INTS9: variants seen among roughly 807,000 people sequenced by gnomAD.
INTS9 encodes the protein protein related to CPSF subunits of 74 kDa.
A neutral mutation model predicts 79.7 loss-of-function variants in INTS9; 55 were observed. That is an observed-to-expected ratio of 0.69 (90% CI 0.56 to 0.86). INTS9 has a LOEUF of 0.86. INTS9 is among the 40% of genes least tolerant of loss of function. The pLI is 0.00. For missense variants in INTS9, 721 were observed against 831.5 expected (o/e 0.87, Z 1.64); for synonymous variants, 319 against 325.2 (o/e 0.98, Z 0.20).
chr8:28,847,403 ACCACTACCACCATCACCACCTCCT>A (rs1807582026), intron 3 of INTS9, among the ~76,000 whole-genome samples: 1 of 151,756 alleles, frequency 6.6e-6, no homozygotes, highest in African/African-American at 2.4e-5. Flanking sequence ...ATCTACCACC[ACCACTACCACCATCACCACCTCCT>A]CCACTACCAC....
intron 9 of INTS9, among the ~76,000 whole-genome samples, chr8:28,795,833 A>G (rs779225344): frequency 6.6e-6 from 1 of 152,106 alleles, no homozygotes; most frequent in Non-Finnish European, 1.5e-5. Flanking sequence ...CGGCAGCCCA[A>G]ACTAACTAAG....
In INTS9 at chr8:28,776,046, G is replaced by A. The variant is rs1200088005; in HGVS notation, c.1396-120C>T. 9.0e-6 allele frequency: 7 copies of A among 777,342 alleles called. No individual in the cohort carries two copies. In the Admixed American group the frequency reaches 1.0e-4, roughly 11 times the overall value. The allele number at this position is 777,342 out of a possible 1,614,324, so 48.2% of individuals were successfully genotyped here. ...ACAGGCTCACCACTTCCAGGCCAAG[G>A]TGAACTTTCATCCTCTCAAGCCCAA... On this transcript the variant is annotated intron_variant, in intron 13 of 16. Transcript: ENST00000521022.
intron 2 of INTS9, among the ~76,000 whole-genome samples, chr8:28,853,272 G>T (rs186292693): frequency 2.0e-5 from 3 of 152,068 alleles, no homozygotes; most frequent in African/African-American, 4.8e-5. Context: ...AATTATCCAC[G>T]TATGGTGGTG....
Position 28,790,513 on chromosome 8 carries a change from A to C in INTS9, c.1038-2624T>G, listed in dbSNP as rs139718646. 3.6e-3 allele frequency among the ~76,000 whole-genome samples: 550 copies of C among 152,236 alleles called. 2 individuals carry two copies. Among genetic ancestry groups the C allele is most frequent in the African/African-American group, 0.012 (498 of 41,548 alleles). On this transcript the variant is annotated intron_variant, in intron 10 of 16. Coordinates refer to ENST00000521022, the MANE Select transcript of INTS9 (RefSeq NM_018250.4). ...CTGCTAATATTTTAATCTTTTGTGG[A>C]AATGAGGTCTTGCTATGTTGCTCAG...
At chr8:28,795,819 G>A (rs1024944117) in intron 9 of INTS9, among the ~76,000 whole-genome samples, 3 of 152,096 alleles carry the variant, frequency 2.0e-5, no homozygotes, top group African/African-American at 7.2e-5. Context: ...GCAGTATTTT[G>A]TTACGGCAGC....
intron 1 of INTS9, among the ~76,000 whole-genome samples, chr8:28,861,806 C>T (rs1808476314): frequency 6.6e-6 from 1 of 152,224 alleles, no homozygotes; most frequent in Admixed American, 6.5e-5. Flanking sequence ...TCCTTAAAGG[C>T]CAAAGGCCAA....
chr8:28,787,440 G>A (rs3824093), intron 11 of INTS9, among the ~76,000 whole-genome samples: 31,585 of 152,110 alleles, frequency 0.21, 3,755 homozygotes, highest in East Asian at 0.47. Context: ...GGTACAGGCT[G>A]AGCATCCCTA....
intron 10 of INTS9, among the ~76,000 whole-genome samples, chr8:28,792,712 G>A (rs1803985138): frequency 6.6e-6 from 1 of 152,110 alleles, no homozygotes; most frequent in Non-Finnish European, 1.5e-5. Context: ...TCAGGAGTTC[G>A]AGACCAGCTG....
intron 6 of INTS9, among the ~76,000 whole-genome samples, chr8:28,829,851 T>TG (rs1432417944): frequency 2.0e-5 from 3 of 152,170 alleles, no homozygotes; most frequent in African/African-American, 7.2e-5. Context: ...AAGGAAGGCT[T>TG]GGCAGCTGTG....
rs529391180 is a variant in INTS9, at chr8:28,841,096, G to A, written c.262-3320C>T. 3.3e-5 allele frequency among the ~76,000 whole-genome samples: 5 copies of A among 152,084 alleles called. No individual in the cohort carries two copies. In the South Asian group the frequency reaches 6.2e-4, roughly 19 times the overall value. On this transcript the variant is annotated intron_variant, in intron 4 of 16. Transcript: ENST00000521022. ...CTTAATAAAGCTGCCAGGCAGCATC[G>A]GCCCCCGAGGACAGGATGCCAGCAG...
Position 28,769,919 on chromosome 8 carries a change from A to G in INTS9, c.1770T>C (p.Pro590=). Residue 590 remains proline, a synonymous_variant, in exon 16 of 17, where the codon CCT becomes CCC. Transcript: ENST00000521022. ...VLKPLLSGSI[P]VEQFVQTLEK... The stretch of plus-strand genomic sequence containing the variant: ...CCAGGGTCTGCACGAACTGCTCCAC[A>G]GGGATGGAACCGCTCAACAAAGGCT... The G allele has an allele frequency of 2.5e-6, 4 of 1,614,174 alleles. No individual in the cohort carries two copies. Among genetic ancestry groups the G allele is most frequent in the East Asian group, 2.2e-5 (1 of 44,876 alleles).
At chr8:28,889,743 G>T in intron 1 of INTS9, 131 bp downstream of exon 1, 1 of 969,742 alleles carries the variant, frequency 1.0e-6, no homozygotes, top group South Asian at 1.6e-5. Flanking sequence ...GCTTTCCTTA[G>T]CCCACTCCAC....
chr8:28,884,085 C>A (rs899324131), intron 1 of INTS9, among the ~76,000 whole-genome samples: 12 of 144,840 alleles, frequency 8.3e-5, no homozygotes, highest in Admixed American at 7.0e-5. Context: ...GTACAGTCTT[C>A]TGGCTTTGCT....
At chr8:28,846,412 A>T (rs185126122) in intron 4 of INTS9, among the ~76,000 whole-genome samples, 86 of 152,360 alleles carry the variant, frequency 5.6e-4, no homozygotes, top group Non-Finnish European at 2.6e-4. Context: ...ACCAGGACAC[A>T]TAAGGCTAAC....
chr8:28,793,720 G>A, intron 10 of INTS9, 87 bp downstream of exon 10: 1 of 1,204,336 alleles, frequency 8.3e-7, no homozygotes, highest in Non-Finnish European at 1.1e-6. Context: ...AGTAATGTGA[G>A]AAAAAACAGG....
chr8:28,864,432 C>G (rs961026690), intron 1 of INTS9, among the ~76,000 whole-genome samples: 1 of 151,994 alleles, frequency 6.6e-6, no homozygotes, highest in African/African-American at 2.4e-5. Flanking sequence ...AAATGAGATA[C>G]AAGAAGGATT....
chr8:28,845,744 C>T (rs1386132985), intron 4 of INTS9, among the ~76,000 whole-genome samples: 1 of 152,194 alleles, frequency 6.6e-6, no homozygotes. Flanking sequence ...AGGGAGAGCT[C>T]TGGATTCTTG....
chr8:28,800,708 T>C (rs939888250), intron 8 of INTS9, among the ~76,000 whole-genome samples: 4 of 152,188 alleles, frequency 2.6e-5, no homozygotes, highest in Non-Finnish European at 5.9e-5. Context: ...TGTACACATC[T>C]TCTCCCCCTA....
intron 4 of INTS9, among the ~76,000 whole-genome samples, chr8:28,844,229 G>A (rs181135205): frequency 2.6e-5 from 4 of 152,328 alleles, no homozygotes; most frequent in Admixed American, 2.6e-4. Context: ...TGTAAATGTT[G>A]ATGTGCATAG....
Sources: gnomAD v4.1 joint callset for allele counts (sites outside exome capture counted in the v4.1 genomes callset) on GRCh38, gnomAD v4.1.1 for gene constraint, MANE v1.5 for transcripts, NCBI Gene and HGNC (gene_info 2026-07-23, HGNC 2026-07-21) for gene names.